The following PPP3CA variants were observed in gnomAD, a reference collection of about 807,000 sequenced individuals.
The protein encoded by PPP3CA is protein phosphatase 3 catalytic subunit alpha.
In PPP3CA, 14 loss-of-function variants were observed where a neutral mutation model predicts 66.5. That is an observed-to-expected ratio of 0.21 (90% CI 0.14 to 0.33). The LOEUF is 0.33. PPP3CA is among the 10% of genes least tolerant of loss of function. The pLI, the probability that PPP3CA is intolerant of heterozygous loss-of-function variation, is 1.00. For missense variants in PPP3CA, 317 were observed against 639.5 expected (o/e 0.50, Z 5.44); for synonymous variants, 232 against 226.2 (o/e 1.03, Z -0.23).
At chr4:101,346,274 G>T (rs995974748) in intron 1 of PPP3CA, among the ~76,000 whole-genome samples, 1 of 152,078 alleles carries the variant, frequency 6.6e-6, no homozygotes, top group Non-Finnish European at 1.5e-5. Context: ...TCGGTGGAAA[G>T]CCACGGCCAC....
chr4:101,069,837 T>C (rs1008602298), intron 8 of PPP3CA, among the ~76,000 whole-genome samples: 5 of 152,216 alleles, frequency 3.3e-5, no homozygotes, highest in African/African-American at 9.6e-5. Flanking sequence ...CATTTTTTTC[T>C]CTAGGTTTTG....
In PPP3CA at chr4:101,278,122, T is replaced by TAAAAAAAAAAAAAAAA. The variant is rs3077992; in HGVS notation, c.58+68601_58+68616dup. Among the ~76,000 whole-genome samples, 48 of 112,148 alleles carry TAAAAAAAAAAAAAAAA rather than the reference T, an allele frequency of 4.3e-4. 1 individual carries two copies. Among genetic ancestry groups the TAAAAAAAAAAAAAAAA allele is most frequent in the African/African-American group, 1.4e-3 (32 of 22,664 alleles). The allele number at this position is 112,148 out of a possible 152,430, so 73.6% of individuals were successfully genotyped here. A position where few individuals can be genotyped will look rare whatever the true frequency, so the allele number is the denominator to read the frequency against. The stretch of plus-strand genomic sequence containing the variant: ...AAAATGAAACTTTAAAAGCTATTAG[T>TAAAAAAAAAAAAAAAA]AAAAAAAAAAAAAAAAATAAAAAAA... On this transcript the variant is annotated intron_variant, in intron 1 of 13. Coordinates refer to ENST00000394854, the MANE Select transcript of PPP3CA (RefSeq NM_000944.5).
At chr4:101,128,383 C>T (rs1026071473) in intron 2 of PPP3CA, among the ~76,000 whole-genome samples, 5 of 151,990 alleles carry the variant, frequency 3.3e-5, no homozygotes, top group African/African-American at 9.7e-5. Context: ...CTATGTTGTA[C>T]ACCATGAATA....
Position 101,296,469 on chromosome 4 carries a change from A to G in PPP3CA, c.58+50270T>C, listed in dbSNP as rs143342929. Among the ~76,000 whole-genome samples, 1,266 of 152,264 alleles carry G rather than the reference A, an allele frequency of 8.3e-3. 17 individuals are homozygous for G. Among genetic ancestry groups the G allele is most frequent in the African/African-American group, 0.029 (1,221 of 41,564 alleles). On this transcript the variant is annotated intron_variant, in intron 1 of 13. Coordinates refer to ENST00000394854, the MANE Select transcript of PPP3CA (RefSeq NM_000944.5). ...ATGAGAAAGCTAAAGAAAAATAAAG[A>G]TGAACTACTTTTATTCTACTACACT...
intron 10 of PPP3CA, among the ~76,000 whole-genome samples, chr4:101,044,027 C>T (rs1727653720): frequency 6.6e-6 from 1 of 152,088 alleles, no homozygotes; most frequent in African/African-American, 2.4e-5. Context: ...CTGAAAAGTA[C>T]CTTCAATCTT....
intron 1 of PPP3CA, among the ~76,000 whole-genome samples, chr4:101,200,343 G>A (rs1724928968): frequency 6.6e-6 from 1 of 152,114 alleles, no homozygotes; most frequent in African/African-American, 2.4e-5. Flanking sequence ...TTGAATCACT[G>A]GTGTGGAGAC....
chr4:101,130,121 C>T (rs749885280), intron 2 of PPP3CA, among the ~76,000 whole-genome samples: 2 of 151,508 alleles, frequency 1.3e-5, no homozygotes, highest in Non-Finnish European at 2.9e-5. Flanking sequence ...AAGCAACAGC[C>T]AAATTGACCA....
chr4:101,206,805 A>T (rs1398624274), intron 1 of PPP3CA, among the ~76,000 whole-genome samples: 1 of 152,242 alleles, frequency 6.6e-6, no homozygotes, highest in Non-Finnish European at 1.5e-5. Context: ...AAGACAGAAT[A>T]GAAAATAAAA....
At chr4:101,032,903 AAC>A (rs1446603116) in intron 11 of PPP3CA, among the ~76,000 whole-genome samples, 5 of 152,356 alleles carry the variant, frequency 3.3e-5, no homozygotes, top group African/African-American at 1.2e-4. Context: ...TTACATGAAA[AAC>A]ACATAAAATA....
chr4:101,120,748 A>G (rs1251061568), intron 2 of PPP3CA, among the ~76,000 whole-genome samples: 1 of 152,068 alleles, frequency 6.6e-6, no homozygotes, highest in Non-Finnish European at 1.5e-5. Flanking sequence ...TGAAGACACT[A>G]TATAAAAGTT....
At chr4:101,175,251 G>C (rs1207505349) in intron 2 of PPP3CA, among the ~76,000 whole-genome samples, 1 of 152,152 alleles carries the variant, frequency 6.6e-6, no homozygotes, top group Admixed American at 6.6e-5. Context: ...AAATTAAAGG[G>C]AAGACTAAAG....
chr4:101,277,938 T>C (rs1034857719), intron 1 of PPP3CA, among the ~76,000 whole-genome samples: 2 of 151,972 alleles, frequency 1.3e-5, no homozygotes, highest in African/African-American at 4.8e-5. Flanking sequence ...GTCCTATAAA[T>C]CCCCTTCCTA....
At chr4:101,301,837 T>TAA (rs1560706959) in intron 1 of PPP3CA, among the ~76,000 whole-genome samples, 2 of 149,570 alleles carry the variant, frequency 1.3e-5, no homozygotes, top group South Asian at 2.1e-4. Flanking sequence ...TATATATATA[T>TAA]AATTTTAAAA....
intron 11 of PPP3CA, among the ~76,000 whole-genome samples, chr4:101,036,692 G>C (rs928510894): frequency 6.6e-6 from 1 of 152,130 alleles, no homozygotes; most frequent in African/African-American, 2.4e-5. Flanking sequence ...GATTACAGGC[G>C]TGAGCCACCG....
chr4:101,304,727 G>C (rs1414816150), intron 1 of PPP3CA, among the ~76,000 whole-genome samples: 3 of 152,168 alleles, frequency 2.0e-5, no homozygotes, highest in Non-Finnish European at 4.4e-5. Flanking sequence ...TTCTAGGATA[G>C]TCACAGGTTT....
rs1168578364 is a variant in PPP3CA at position 101,124,741 on chromosome 4, A to AAGAGAGAGAG, written c.260-15664_260-15663insCTCTCTCTCT. ...AGAAAGAAAGAGAAAGAAAGAAAGA[A>AAGAGAGAGAG]AGAAAGAAAGAAAGAAAGAAAGAAA... is the stretch of plus-strand genomic sequence containing the variant. On this transcript the variant is annotated intron_variant, in intron 2 of 13. Coordinates refer to ENST00000394854, the MANE Select transcript of PPP3CA (RefSeq NM_000944.5). Among the ~76,000 whole-genome samples the AAGAGAGAGAG allele has an allele frequency of 4.3e-5, 4 of 93,220 alleles. No individual in the cohort carries two copies. The Admixed American group carries it at 4.5e-4, about 10-fold the overall frequency. 61.2% of individuals were successfully genotyped at this position (93,220 alleles called of 152,430 possible).
At chr4:101,069,139 A>G (rs1419344808) in intron 8 of PPP3CA, among the ~76,000 whole-genome samples, 2 of 152,060 alleles carry the variant, frequency 1.3e-5, no homozygotes, top group Non-Finnish European at 2.9e-5. Context: ...GGCTCAAGTG[A>G]TCCTCCTGCT....
intron 8 of PPP3CA, among the ~76,000 whole-genome samples, chr4:101,070,412 C>T (rs1421090176): frequency 1.3e-5 from 2 of 152,060 alleles, no homozygotes; most frequent in African/African-American, 4.8e-5. Flanking sequence ...ACCTCAAAGG[C>T]TAAACTGTTT....
chr4:101,040,348 A>T (rs912996995), intron 11 of PPP3CA, 134 bp downstream of exon 11: 2 of 614,662 alleles, frequency 3.3e-6, no homozygotes, highest in Non-Finnish European at 5.1e-6. Context: ...ATTTTCCTCA[A>T]TTTTTAATCT....
Sources: gnomAD v4.1 joint callset for allele counts (sites outside exome capture counted in the v4.1 genomes callset) on GRCh38, gnomAD v4.1.1 for gene constraint, MANE v1.5 for transcripts, NCBI Gene and HGNC (gene_info 2026-07-23, HGNC 2026-07-21) for gene names.